TMEM233: variants seen among roughly 807,000 people sequenced by gnomAD.
The protein encoded by TMEM233 is transmembrane protein 233.
Under a neutral mutation model 11.2 loss-of-function variants are expected in TMEM233, and 6 were observed. That is an observed-to-expected ratio of 0.54 (90% CI 0.29 to 1.06). The LOEUF is 1.06. Ranked by LOEUF, TMEM233 falls within the 50% of genes least tolerant of loss-of-function variation. The pLI is 0.08. For missense variants in TMEM233, 127 were observed against 144.7 expected, an observed-to-expected ratio of 0.88 and a Z score of 0.63; for synonymous variants, 59 against 55.8, an observed-to-expected ratio of 1.06 and a Z score of -0.26.
chr12:119,608,831 T>C (rs1317758684), intron 1 of TMEM233, among the ~76,000 whole-genome samples: 1 of 152,194 alleles, frequency 6.6e-6, no homozygotes, highest in Admixed American at 6.5e-5. Flanking sequence ...ATTTATTCAC[T>C]CAAAAATGTT....
At chr12:119,638,589 T>C (rs937058492) in intron 2 of TMEM233, among the ~76,000 whole-genome samples, 1 of 152,216 alleles carries the variant, frequency 6.6e-6, no homozygotes, top group Non-Finnish European at 1.5e-5. Flanking sequence ...AACTCTAATG[T>C]GCAGCCAGGG....
rs1954838665 is a variant in TMEM233 at position 119,629,719 on chromosome 12, TC to T, written c.187-14del. On this transcript the variant is annotated splice_polypyrimidine_tract_variant and intron_variant, in intron 1 of 2. Transcript: ENST00000426426. Reference sequence around the variant, plus strand: ...TGGGTTATCTGTCATCACCAGCTCTTCCCTTCTGTCCCCCAGTCTCTGAACA... The same window carrying T: ...TGGGTTATCTGTCATCACCAGCTCTTCCTTCTGTCCCCCAGTCTCTGAACA... 6.5e-7 allele frequency: 1 copy of T among 1,546,374 alleles called. No homozygotes were observed. Among genetic ancestry groups the T allele is most frequent in the East Asian group, 2.4e-5 (1 of 40,878 alleles).
chr12:119,600,387 TA>T lies in TMEM233; in HGVS notation c.186+6367del, dbSNP rs10682613. On this transcript the variant is annotated intron_variant, in intron 1 of 2. Coordinates refer to ENST00000426426, the MANE Select transcript of TMEM233 (RefSeq NM_001136534.3). ...GGAATTAAAAAATATGTGGGTAGAT[TA>T]AAAAAAAAAAAAACAGCAGAAGCTC... is the stretch of plus-strand genomic sequence containing the variant. Among the ~76,000 whole-genome samples, 825 of 139,958 alleles carry T rather than the reference TA, an allele frequency of 5.9e-3. 9 individuals are homozygous for T. The highest frequency in any genetic ancestry group is 0.019 in the African/African-American group (731 of 37,844). 91.8% of individuals were successfully genotyped at this position (139,958 alleles called of 152,430 possible).
At chr12:119,615,463 G>T (rs943057679) in intron 1 of TMEM233, among the ~76,000 whole-genome samples, 2 of 152,178 alleles carry the variant, frequency 1.3e-5, no homozygotes, top group Non-Finnish European at 2.9e-5. Context: ...AAATTCTGAT[G>T]CTGGGGTCCC....
Position 119,595,924 on chromosome 12 carries a change from T to A in TMEM233, c.186+1890T>A, listed in dbSNP as rs1245501799. 3.3e-5 allele frequency among the ~76,000 whole-genome samples: 5 copies of A among 152,240 alleles called. No homozygotes were observed. The highest frequency in any genetic ancestry group is 3.3e-4 in the Admixed American group (5 of 15,288). On this transcript the variant is annotated intron_variant, in intron 1 of 2. Transcript: ENST00000426426. The surrounding 1 kb of genome is among the most constrained non-coding windows in gnomAD (Gnocchi z 4.3). ...GCTCCATAAGGGCAGGAATATTTGT[T>A]GGTTCCTGTATCTTCAGCATCTAGA...
intron 1 of TMEM233, among the ~76,000 whole-genome samples, chr12:119,628,104 C>A (rs527759464): frequency 2.6e-5 from 4 of 152,352 alleles, no homozygotes; most frequent in Admixed American, 2.6e-4. Flanking sequence ...GGAGCTGTAA[C>A]TCAACCAGGG....
At chr12:119,622,345 G>A (rs1049963943) in intron 1 of TMEM233, among the ~76,000 whole-genome samples, 4 of 152,122 alleles carry the variant, frequency 2.6e-5, no homozygotes, top group African/African-American at 9.7e-5. Flanking sequence ...GCATCCAAAT[G>A]TTTTACATGT....
chr12:119,615,379 G>T (rs1243308631), intron 1 of TMEM233, among the ~76,000 whole-genome samples: 2 of 152,116 alleles, frequency 1.3e-5, no homozygotes, highest in African/African-American at 4.8e-5. Flanking sequence ...ATGAATTAAT[G>T]AATGGCTGTC....
intron 2 of TMEM233, 76 bp from the exon 3 acceptor site, chr12:119,640,623 G>T: frequency 6.8e-7 from 1 of 1,473,990 alleles, no homozygotes; most frequent in Non-Finnish European, 9.2e-7. Context: ...AATAAGGAAG[G>T]CATCGAGCTG....
At chr12:119,650,282 A>G in the TMEM233 span, among the ~76,000 whole-genome samples, 4,856 of 152,260 alleles carry the variant, frequency 0.032, 276 homozygotes, top group African/African-American at 0.11. Context: ...AGATATAAAT[A>G]CCATTAACTT....
Position 119,595,561 on chromosome 12 carries a change from T to G in TMEM233, c.186+1527T>G, listed in dbSNP as rs1954026945. On this transcript the variant is annotated intron_variant, in intron 1 of 2. Transcript: ENST00000426426. The surrounding 1 kb of genome is among the most constrained non-coding windows in gnomAD (Gnocchi z 4.3). ...ATTCTCCCACTTTCTAGCTGTGTGATCTCTGAAGTCACTGCATCTCTGAAC... is the reference window on the plus strand; with the variant it reads ...ATTCTCCCACTTTCTAGCTGTGTGAGCTCTGAAGTCACTGCATCTCTGAAC... Among the ~76,000 whole-genome samples the G allele has an allele frequency of 6.6e-6, 1 of 152,254 alleles. No individual in the cohort carries two copies. Among genetic ancestry groups the G allele is most frequent in the African/African-American group, 2.4e-5 (1 of 41,452 alleles).
At chr12:119,610,835 C>T (rs1310665493) in intron 1 of TMEM233, among the ~76,000 whole-genome samples, 4 of 152,182 alleles carry the variant, frequency 2.6e-5, no homozygotes, top group Non-Finnish European at 5.9e-5. Flanking sequence ...TTTGCAGTCA[C>T]TACTCATCCC....
rs147775767 is a variant in TMEM233, at chr12:119,596,216, G to A, written c.186+2182G>A. On this transcript the variant is annotated intron_variant, in intron 1 of 2. Transcript: ENST00000426426. Reference sequence around the variant, plus strand: ...AGCAGACTGTCTGGCTGGCACTGGTGCCCACATTCTATCCTGCTTTATTAA... The same window carrying A: ...AGCAGACTGTCTGGCTGGCACTGGTACCCACATTCTATCCTGCTTTATTAA... Among the ~76,000 whole-genome samples, 644 of 152,246 alleles carry A rather than the reference G, an allele frequency of 4.2e-3. 2 individuals are homozygous for A. Among genetic ancestry groups the A allele is most frequent in the Non-Finnish European group, 7.4e-3 (506 of 68,022 alleles).
chr12:119,629,276 G>C (rs1392351621), intron 1 of TMEM233, among the ~76,000 whole-genome samples: 2 of 152,182 alleles, frequency 1.3e-5, no homozygotes, highest in Admixed American at 1.3e-4. Flanking sequence ...CAGGCGTGGT[G>C]GCGGGCACCT....
intron 1 of TMEM233, among the ~76,000 whole-genome samples, chr12:119,607,505 A>G (rs1476453): frequency 0.78 from 117,948 of 152,050 alleles, 45,909 homozygotes; most frequent in Middle Eastern, 0.85. Flanking sequence ...CAGAGTTTCC[A>G]TAAAAAGTAT....
intron 1 of TMEM233, among the ~76,000 whole-genome samples, chr12:119,616,830 T>C (rs1954547511): frequency 6.6e-6 from 1 of 152,182 alleles, no homozygotes; most frequent in South Asian, 2.1e-4. Flanking sequence ...GATCTGATGG[T>C]TCTGTAAGGG....
At chr12:119,654,242 A>G in the TMEM233 span, among the ~76,000 whole-genome samples, 1 of 152,220 alleles carries the variant, frequency 6.6e-6, no homozygotes, top group Non-Finnish European at 1.5e-5. Context: ...AGCTCTAGTG[A>G]AAATATTCTT....
chr12:119,635,657 T>C (rs1954958762), intron 2 of TMEM233, among the ~76,000 whole-genome samples: 1 of 152,074 alleles, frequency 6.6e-6, no homozygotes, highest in Non-Finnish European at 1.5e-5. Flanking sequence ...AGGTTAATGG[T>C]TTGGTCCCCC....
chr12:119,603,262 C>A (rs1109856), intron 1 of TMEM233, among the ~76,000 whole-genome samples: 55,751 of 151,952 alleles, frequency 0.37, 11,895 homozygotes, highest in East Asian at 0.56. Context: ...CAGAACGAGA[C>A]CCTGTCTCAA....
Sources: allele counts gnomAD v4.1 joint callset (sites outside exome capture counted in the v4.1 genomes callset), GRCh38; gene constraint gnomAD v4.1.1; non-coding constraint Gnocchi (gnomAD v3.1); transcripts MANE v1.5; gene names NCBI Gene and HGNC (gene_info 2026-07-23, HGNC 2026-07-21).